RBM10: variants seen among roughly 807,000 people sequenced by gnomAD.
The protein encoded by RBM10 is RNA binding motif protein 10.
A neutral mutation model predicts 84.9 loss-of-function variants in RBM10; 1 was observed. That is an observed-to-expected ratio of 0.01 (90% CI 0.00 to 0.06). RBM10 has a LOEUF of 0.06. Among genes scored for constraint, RBM10 ranks in the 10% least tolerant of loss-of-function variants. The pLI is 1.00. For missense variants in RBM10, 438 were observed against 839.0 expected (o/e 0.52, Z 5.90); for synonymous variants, 326 against 344.5 (o/e 0.95, Z 0.60).
intron 4 of RBM10, among the ~76,000 whole-genome samples, chrX:47,172,051 T>C (rs1193788395): frequency 8.9e-6 from 1 of 112,382 alleles, no homozygotes; most frequent in Non-Finnish European, 1.9e-5. Flanking sequence ...TTGCTGACAT[T>C]TGTTGAGAAT....
chrX:47,174,991 T>C, intron 5 of RBM10, 28 bp from the exon 6 acceptor site: 1 of 1,193,957 alleles, frequency 8.4e-7, no homozygotes, highest in Non-Finnish European at 1.1e-6. Context: ...ACTAACCCAC[T>C]GCGTCTGTAT....
At chrX:47,171,639 G>A (rs1433402302) in intron 4 of RBM10, among the ~76,000 whole-genome samples, 1 of 112,755 alleles carries the variant, frequency 8.9e-6, no homozygotes, top group Non-Finnish European at 1.9e-5. Context: ...CTGGGGCCCT[G>A]TAACCATTGG....
At chrX:47,176,200 C>T (rs1468692559) in intron 6 of RBM10, among the ~76,000 whole-genome samples, 2 of 110,171 alleles carry the variant, frequency 1.8e-5, no homozygotes, top group African/African-American at 6.6e-5. Flanking sequence ...GTGTCAGGGC[C>T]GAGTGGGGGT....
At chrX:47,177,407 C>G (rs1337218344) in intron 7 of RBM10, among the ~76,000 whole-genome samples, 3 of 111,920 alleles carry the variant, frequency 2.7e-5, no homozygotes, top group African/African-American at 9.8e-5. Flanking sequence ...GGCTTCAGGT[C>G]TGCCCTGGGG....
intron 2 of RBM10, chrX:47,156,771 G>T (rs1481912715): frequency 1.2e-5 from 2 of 172,496 alleles, no homozygotes; most frequent in Admixed American, 8.1e-5. Flanking sequence ...GGCCTTCCAG[G>T]GTGCATCCTG....
Position 47,185,241 on chromosome X carries a change from A to G in RBM10, c.2100+37A>G, listed in dbSNP as rs782299372. 3.3e-6 allele frequency: 4 copies of G among 1,211,484 alleles called. No individual in the cohort carries two copies. In the African/African-American group the frequency reaches 5.2e-5, roughly 16 times the overall value. ...CCACCCCCCTGCACCCTGCCCCACAATCTTGTCCTTCCTTTGGGCCCTCTG... is the reference window on the plus strand; with the variant it reads ...CCACCCCCCTGCACCCTGCCCCACAGTCTTGTCCTTCCTTTGGGCCCTCTG... On this transcript the variant is annotated intron_variant, in intron 18 of 23. Transcript: ENST00000377604.
intron 4 of RBM10, 88 bp downstream of exon 4, chrX:47,171,346 A>C: frequency 8.8e-7 from 1 of 1,142,438 alleles, no homozygotes; most frequent in Non-Finnish European, 1.2e-6. Context: ...CTCACCTGCA[A>C]CCTCAGCGCC....
At chrX:47,185,994 C>T in intron 21 of RBM10, 71 bp from the exon 22 acceptor site, 1 of 1,171,055 alleles carries the variant, frequency 8.5e-7, no homozygotes, top group South Asian at 1.8e-5. Flanking sequence ...TGGGACCCCA[C>T]TCCCCATGCC....
At chrX:47,149,570 G>C (rs1439490059) in intron 2 of RBM10, among the ~76,000 whole-genome samples, 1 of 109,819 alleles carries the variant, frequency 9.1e-6, no homozygotes, top group African/African-American at 3.3e-5. Flanking sequence ...ATGCTGGTCA[G>C]GCTGGTCTCG....
At chrX:47,179,279 T>A (rs1217227239) in intron 8 of RBM10, 40 bp from the exon 9 acceptor site, 1 of 1,186,801 alleles carries the variant, frequency 8.4e-7, no homozygotes, top group Non-Finnish European at 1.1e-6. Context: ...TCGTGGAGCC[T>A]TCCCCTTATC....
At chrX:47,166,965 C>T (rs782586017) in intron 2 of RBM10, among the ~76,000 whole-genome samples, 6 of 108,122 alleles carry the variant, frequency 5.5e-5, no homozygotes, top group Non-Finnish European at 1.1e-4. Context: ...TTAGTAGAGA[C>T]GGGGTTTCAC....
intron 2 of RBM10, chrX:47,157,017 C>G: frequency 3.4e-6 from 1 of 294,142 alleles, no homozygotes; most frequent in Non-Finnish European, 6.6e-6. Flanking sequence ...GGCATGCTGC[C>G]CCATCTGGTT....
At chrX:47,183,821 C>G (rs939894344) in intron 17 of RBM10, among the ~76,000 whole-genome samples, 15 of 109,560 alleles carry the variant, frequency 1.4e-4, no homozygotes, top group Admixed American at 9.8e-5. Context: ...CTCAGCCTCC[C>G]GAGTAGCTGG....
At chrX:47,168,784 C>A (rs1321066328) in intron 2 of RBM10, among the ~76,000 whole-genome samples, 2 of 110,729 alleles carry the variant, frequency 1.8e-5, no homozygotes, top group African/African-American at 6.6e-5. Flanking sequence ...GGGGGAGCCA[C>A]TAAAGGGAGT....
chrX:47,148,308 T>C lies in RBM10; in HGVS notation c.17+810T>C, dbSNP rs183382794. On this transcript the variant is annotated intron_variant, in intron 2 of 23. Coordinates refer to ENST00000377604, the MANE Select transcript of RBM10 (RefSeq NM_005676.5). ...TCTTGGCTTTCATTAGAAATGTTTT[T>C]TGAAAGACATTTGATTTTGGACGGT... is the stretch of plus-strand genomic sequence containing the variant. 9.8e-5 allele frequency among the ~76,000 whole-genome samples: 11 copies of C among 112,444 alleles called. No individual in the cohort carries two copies. In the East Asian group the frequency reaches 3.1e-3, roughly 31 times the overall value.
At chrX:47,185,242 T>C (rs782324804) in intron 18 of RBM10, 38 bp downstream of exon 18, 13 of 1,211,712 alleles carry the variant, frequency 1.1e-5, no homozygotes, top group Non-Finnish European at 1.5e-5. Context: ...TGCCCCACAA[T>C]CTTGTCCTTC....
chrX:47,179,002 C>T lies in RBM10; in HGVS notation c.664-101C>T, dbSNP rs369763006. On this transcript the variant is annotated intron_variant, in intron 7 of 23. Coordinates refer to ENST00000377604, the MANE Select transcript of RBM10 (RefSeq NM_005676.5). ...CCACCATTGCCTAGGGGCTTTCCTT[C>T]CTGGGGCACTGCGGGGTCCCTGGGA... 51 of 1,165,542 alleles carry T rather than the reference C, an allele frequency of 4.4e-5. No individual in the cohort carries two copies. In the East Asian group the frequency reaches 1.1e-3, roughly 25 times the overall value.
At chrX:47,167,241 G>A (rs1934295749) in intron 2 of RBM10, among the ~76,000 whole-genome samples, 1 of 110,335 alleles carries the variant, frequency 9.1e-6, no homozygotes, top group South Asian at 3.7e-4. Flanking sequence ...TTTTCTCCAA[G>A]CAAAAGTATT....
At chrX:47,180,191 C>T (rs2147176296) in intron 10 of RBM10, 21 bp from the exon 11 acceptor site, 1 of 1,187,503 alleles carries the variant, frequency 8.4e-7, no homozygotes, top group Non-Finnish European at 1.1e-6. Flanking sequence ...CCTTCTGTCC[C>T]TGCCTCCCCT....
Sources: allele counts gnomAD v4.1 joint callset (sites outside exome capture counted in the v4.1 genomes callset), GRCh38; gene constraint gnomAD v4.1.1; transcripts MANE v1.5; gene names NCBI Gene and HGNC (gene_info 2026-07-23, HGNC 2026-07-21).